GALNT2: variants seen among roughly 807,000 people sequenced by gnomAD.
GALNT2 encodes polypeptide N-acetylgalactosaminyltransferase 2.
A neutral mutation model predicts 81.4 loss-of-function variants in GALNT2; 31 were observed. The ratio of observed to expected loss-of-function variants is 0.38; its 90% CI spans 0.29 to 0.51. The LOEUF is 0.51. GALNT2 is among the 20% of genes least tolerant of loss of function. GALNT2 has a pLI of 0.87. For synonymous variants in GALNT2, 303 were observed against 287.4 expected (o/e 1.05, Z -0.55); for missense variants, 629 against 765.7 (o/e 0.82, Z 2.11).
chr1:230,119,471 G>A (rs1170419557), intron 1 of GALNT2, among the ~76,000 whole-genome samples: 1 of 152,210 alleles, frequency 6.6e-6, no homozygotes, highest in Admixed American at 6.5e-5. Context: ...TGGGGTCTGT[G>A]CTGCACTCTT....
chr1:230,267,837 C>T (rs1666074982), intron 14 of GALNT2, among the ~76,000 whole-genome samples: 1 of 152,168 alleles, frequency 6.6e-6, no homozygotes, highest in Non-Finnish European at 1.5e-5. Flanking sequence ...CTCCTCCATC[C>T]AAGACCCTGC....
chr1:230,091,978 G>A (rs914227764), intron 1 of GALNT2: 3 of 152,160 alleles, frequency 2.0e-5, no homozygotes, highest in Non-Finnish European at 4.4e-5. Context: ...CCAGTTACCT[G>A]GTTACTGACT....
intron 1 of GALNT2, among the ~76,000 whole-genome samples, chr1:230,175,797 T>C (rs2102862279): frequency 6.6e-6 from 1 of 151,806 alleles, no homozygotes; most frequent in African/African-American, 2.4e-5. Context: ...GTGAGTGACC[T>C]CCTAGAAATG....
At chr1:230,198,597 T>A (rs1663784610) in intron 2 of GALNT2, among the ~76,000 whole-genome samples, 1 of 152,166 alleles carries the variant, frequency 6.6e-6, no homozygotes, top group South Asian at 2.1e-4. Flanking sequence ...CAGGGCAGTC[T>A]GTGGGACCAC....
chr1:230,063,697 C>T (rs1659101603), upstream of GALNT2, among the ~76,000 whole-genome samples: 1 of 152,190 alleles, frequency 6.6e-6, no homozygotes, highest in African/African-American at 2.4e-5. Context: ...CAGATCAAAT[C>T]CTAATGATAT....
chr1:230,080,536 A>G (rs534401072), intron 1 of GALNT2, among the ~76,000 whole-genome samples: 1 of 152,136 alleles, frequency 6.6e-6, no homozygotes, highest in South Asian at 2.1e-4. Context: ...GGCTTTGGAA[A>G]CAGTTTTGCC....
chr1:230,255,974 G>T (rs543203550), intron 11 of GALNT2, among the ~76,000 whole-genome samples: 1 of 152,272 alleles, frequency 6.6e-6, no homozygotes, highest in South Asian at 2.1e-4. Context: ...CAAGATCAAG[G>T]TGCTGGTGTC....
intron 1 of GALNT2, among the ~76,000 whole-genome samples, chr1:230,092,630 C>T (rs547798026): frequency 6.6e-6 from 1 of 152,234 alleles, no homozygotes; most frequent in African/African-American, 2.4e-5. Flanking sequence ...AGGTGTGAGC[C>T]ACCGCACCTG....
In GALNT2 at chr1:230,197,264, G is replaced by A. The variant is rs577431729; in HGVS notation, c.221-5873G>A. ...GTAGGTGAAATCATCCACTGGCCCC[G>A]CCTTCTCACTTCTCACAGCGCTATG... On this transcript the variant is annotated intron_variant, in intron 2 of 15. Coordinates refer to ENST00000366672, the MANE Select transcript of GALNT2 (RefSeq NM_004481.5). 2.7e-5 allele frequency among the ~76,000 whole-genome samples: 4 copies of A among 150,768 alleles called. No individual in the cohort carries two copies. The South Asian group carries it at 6.4e-4, about 24-fold the overall frequency.
At chr1:230,076,593 T>TA (rs1260354940) in intron 1 of GALNT2, among the ~76,000 whole-genome samples, 1 of 152,082 alleles carries the variant, frequency 6.6e-6, no homozygotes, top group African/African-American at 2.4e-5. Flanking sequence ...TTGGGGACAG[T>TA]AAAATGGAGA....
chr1:230,242,333 T>C (rs1330186339), intron 6 of GALNT2, among the ~76,000 whole-genome samples: 1 of 152,202 alleles, frequency 6.6e-6, no homozygotes, highest in African/African-American at 2.4e-5. Flanking sequence ...TTAAAATCTT[T>C]AGTCTTTTTC....
chr1:230,116,237 CTT>C (rs943656261), intron 1 of GALNT2, among the ~76,000 whole-genome samples: 1 of 147,844 alleles, frequency 6.8e-6, no homozygotes, highest in African/African-American at 2.5e-5. Context: ...AAACATCTTT[CTT>C]TTTTTTTTTG....
At chr1:230,246,562 G>A (rs1373440171) in intron 8 of GALNT2, among the ~76,000 whole-genome samples, 1 of 152,122 alleles carries the variant, frequency 6.6e-6, no homozygotes, top group Non-Finnish European at 1.5e-5. Context: ...CTATTTCTCT[G>A]ACAGCCTGGT....
At chr1:230,065,291 T>G (rs1474585048), upstream of GALNT2, among the ~76,000 whole-genome samples, 1 of 152,216 alleles carries the variant, frequency 6.6e-6, no homozygotes, top group Non-Finnish European at 1.5e-5. Context: ...GGACACCTTG[T>G]AATTATTCTT....
At chr1:230,131,829 A>C (rs117834203) in intron 1 of GALNT2, among the ~76,000 whole-genome samples, 1 of 152,336 alleles carries the variant, frequency 6.6e-6, no homozygotes, top group East Asian at 1.9e-4. Flanking sequence ...ATAAATGCAG[A>C]ATGTTGGCAA....
intron 1 of GALNT2, among the ~76,000 whole-genome samples, chr1:230,142,225 G>A (rs935296036): frequency 5.9e-5 from 9 of 152,132 alleles, no homozygotes; most frequent in Admixed American, 1.3e-4. Context: ...GATGGCATCC[G>A]TCCACCAGGC....
chr1:230,219,711 T>TG (rs1461494551), intron 3 of GALNT2, among the ~76,000 whole-genome samples: 1 of 152,190 alleles, frequency 6.6e-6, no homozygotes, highest in Non-Finnish European at 1.5e-5. Context: ...ATTCCAGATG[T>TG]GGGGGCATTC....
At chr1:230,137,192 G>C (rs752697128) in intron 1 of GALNT2, among the ~76,000 whole-genome samples, 1 of 152,192 alleles carries the variant, frequency 6.6e-6, no homozygotes, top group Non-Finnish European at 1.5e-5. Context: ...AGCCTGAGTG[G>C]ATGCAGGGAG....
chr1:230,226,675 C>T (rs1290045119), intron 3 of GALNT2, among the ~76,000 whole-genome samples: 1 of 152,190 alleles, frequency 6.6e-6, no homozygotes, highest in Admixed American at 6.5e-5. Flanking sequence ...AGGGGCCTCG[C>T]CACTCTCTCC....
Sources: allele counts gnomAD v4.1 joint callset (sites outside exome capture counted in the v4.1 genomes callset), GRCh38; gene constraint gnomAD v4.1.1; transcripts MANE v1.5; gene names NCBI Gene and HGNC (gene_info 2026-07-23, HGNC 2026-07-21).